The following RNF150 variants were observed in gnomAD, a reference collection of about 807,000 sequenced individuals.
RNF150 encodes ring finger protein 150.
RNF150 carries 24 observed loss-of-function variants against 39.3 expected under a neutral mutation model. The observed-to-expected ratio is 0.61, with a 90% CI of 0.44 to 0.86. The LOEUF is 0.86. Ranked by LOEUF, RNF150 falls within the 40% of genes least tolerant of loss-of-function variation. RNF150 has a pLI of 0.00. For synonymous variants in RNF150, 255 were observed against 227.3 expected, an observed-to-expected ratio of 1.12 and a Z score of -1.10; for missense variants, 502 against 587.8, an observed-to-expected ratio of 0.85 and a Z score of 1.51.
intron 6 of RNF150, among the ~76,000 whole-genome samples, chr4:140,893,597 T>G (rs888467674): frequency 6.6e-6 from 1 of 152,202 alleles, no homozygotes; most frequent in South Asian, 2.1e-4. Context: ...GATCATTTTC[T>G]GTTTCCTTGT....
rs112982556 is a variant in RNF150 at position 140,970,734 on chromosome 4, T to C, written c.485-2861A>G. ...AAACTTCAGTGCTTAGTTACACCACTTGTGTTGTCTGTGCCACTGTTGTGC... is the reference window on the plus strand; with the variant it reads ...AAACTTCAGTGCTTAGTTACACCACCTGTGTTGTCTGTGCCACTGTTGTGC... On this transcript the variant is annotated intron_variant, in intron 1 of 6. Transcript: ENST00000515673. Among the ~76,000 whole-genome samples the C allele has an allele frequency of 2.9e-3, 447 of 152,260 alleles. 2 individuals carry two copies. Among genetic ancestry groups the C allele is most frequent in the African/African-American group, 9.8e-3 (409 of 41,568 alleles).
At chr4:141,177,045 G>A in intron 1 of RNF150, among the ~76,000 whole-genome samples, 1 of 114,010 alleles carries the variant, frequency 8.8e-6, no homozygotes, top group South Asian at 3.2e-4. Context: ...ACAAGACCCT[G>A]TCTCCTAGGA....
Position 140,946,106 on chromosome 4 carries a change from A to G in RNF150, c.890+1548T>C, listed in dbSNP as rs541627994. Reference sequence around the variant, plus strand: ...AATTACCAAATCTTCAGTTATCTCTATTTATGATTTCGTCTTAGATATAGG... The same window carrying G: ...AATTACCAAATCTTCAGTTATCTCTGTTTATGATTTCGTCTTAGATATAGG... On this transcript the variant is annotated intron_variant, in intron 4 of 6. Coordinates refer to ENST00000515673, the MANE Select transcript of RNF150 (RefSeq NM_020724.2). Among the ~76,000 whole-genome samples, 7 of 152,334 alleles carry G rather than the reference A, an allele frequency of 4.6e-5. No individual in the cohort carries two copies. The East Asian group carries it at 9.6e-4, about 21-fold the overall frequency.
intron 6 of RNF150, among the ~76,000 whole-genome samples, chr4:140,870,178 G>A (rs556699791): frequency 6.6e-6 from 1 of 152,166 alleles, no homozygotes; most frequent in Non-Finnish European, 1.5e-5. Context: ...TATTTCACAG[G>A]GAAATATCCA....
At chr4:140,922,452 G>T (rs940282829) in intron 5 of RNF150, among the ~76,000 whole-genome samples, 1 of 150,948 alleles carries the variant, frequency 6.6e-6, no homozygotes, top group African/African-American at 2.4e-5. Context: ...ACAAACCACT[G>T]CTCAATGAAA....
intron 1 of RNF150, among the ~76,000 whole-genome samples, chr4:141,154,895 C>T (rs573943476): frequency 6.6e-6 from 1 of 152,232 alleles, no homozygotes; most frequent in South Asian, 2.1e-4. Flanking sequence ...TAATTACCTT[C>T]ATGCCTGACT....
intron 1 of RNF150, among the ~76,000 whole-genome samples, chr4:141,114,617 A>C (rs187754267): frequency 1.3e-5 from 2 of 152,342 alleles, no homozygotes; most frequent in African/African-American, 4.8e-5. Flanking sequence ...TATCGTAAGA[A>C]ATAGAAAAAG....
Position 140,942,909 on chromosome 4 carries a change from A to G in RNF150, c.890+4745T>C, listed in dbSNP as rs1300286577. Among the ~76,000 whole-genome samples, 3 of 152,350 alleles carry G rather than the reference A, an allele frequency of 2.0e-5. No individual in the cohort carries two copies. In the East Asian group the frequency reaches 5.8e-4, roughly 29 times the overall value. On this transcript the variant is annotated intron_variant, in intron 4 of 6. Coordinates refer to ENST00000515673, the MANE Select transcript of RNF150 (RefSeq NM_020724.2). ...TCTGACAATAATAACCCAGCAGGAC[A>G]TGCTGCCCCTACGCGCCACATAATC...
At chr4:140,985,945 T>C (rs560253378) in intron 1 of RNF150, among the ~76,000 whole-genome samples, 1 of 152,080 alleles carries the variant, frequency 6.6e-6, no homozygotes, top group Non-Finnish European at 1.5e-5. Context: ...GCACAATCAC[T>C]GGTGTATAAA....
intron 1 of RNF150, among the ~76,000 whole-genome samples, chr4:141,153,915 C>G (rs1475749549): frequency 6.6e-6 from 1 of 152,152 alleles, no homozygotes; most frequent in African/African-American, 2.4e-5. Context: ...AGCAGGCTCT[C>G]GAGTTAGTTT....
chr4:140,880,466 T>C (rs1419367668), intron 6 of RNF150, among the ~76,000 whole-genome samples: 3 of 152,112 alleles, frequency 2.0e-5, no homozygotes, highest in Non-Finnish European at 4.4e-5. Flanking sequence ...TTTTCTTTTC[T>C]TGTAGTATCT....
intron 6 of RNF150, among the ~76,000 whole-genome samples, chr4:140,876,077 G>A (rs187762239): frequency 4.6e-5 from 7 of 152,290 alleles, no homozygotes; most frequent in Admixed American, 2.6e-4. Flanking sequence ...TTTGCATGCT[G>A]GGAGTTGCTC....
chr4:141,177,096 G>A (rs1025553006), intron 1 of RNF150, among the ~76,000 whole-genome samples: 13 of 150,976 alleles, frequency 8.6e-5, no homozygotes, highest in South Asian at 2.1e-4. Context: ...GACGGGTGTC[G>A]TGGCAAGAAC....
chr4:140,873,162 C>A (rs1245813779), intron 6 of RNF150, among the ~76,000 whole-genome samples: 2 of 152,126 alleles, frequency 1.3e-5, no homozygotes, highest in Non-Finnish European at 2.9e-5. Flanking sequence ...ATTTCACATA[C>A]AAATTTATAT....
Position 140,906,686 on chromosome 4 carries a change from T to C in RNF150, c.1198+4458A>G, listed in dbSNP as rs562027533. Among the ~76,000 whole-genome samples, 3 of 152,308 alleles carry C rather than the reference T, an allele frequency of 2.0e-5. No homozygotes were observed. In the East Asian group the frequency reaches 5.8e-4, roughly 29 times the overall value. ...CTTTACATTAATTCATGTGTACTGC[T>C]TCCTTCTGAAAGTTTGAAGACCAGG... On this transcript the variant is annotated intron_variant, in intron 6 of 6. Transcript: ENST00000515673.
chr4:141,024,350 G>A (rs13122706), intron 1 of RNF150, among the ~76,000 whole-genome samples: 140,749 of 152,078 alleles, frequency 0.93, 65,920 homozygotes, highest in Non-Finnish European at 1. Flanking sequence ...ATTCCTATCT[G>A]TGGGTCTCTC....
chr4:141,126,439 A>T (rs940914903), intron 1 of RNF150, among the ~76,000 whole-genome samples: 9 of 152,156 alleles, frequency 5.9e-5, no homozygotes, highest in Admixed American at 3.9e-4. Context: ...TTCTATTCTT[A>T]TGAATTTGTT....
rs780011524 is a variant in RNF150, at chr4:140,967,722, G to C, written c.636C>G (p.Val212=). The C allele has an allele frequency of 2.5e-6, 4 of 1,613,584 alleles. No homozygotes were observed. The South Asian group carries it at 4.4e-5, about 18-fold the overall frequency. Residue 212 remains valine, a synonymous_variant, in exon 2 of 7, where the codon GTC becomes GTG. Transcript: ENST00000515673. ...TCATCAGGACAATGAAGGAGATGGA[G>C]ACAAACACAACCGAAGTGCGGCTCA... The part of the protein sequence containing the change: ...KYVSRTSVVF[V]SISFIVLMII...
intron 1 of RNF150, among the ~76,000 whole-genome samples, chr4:141,040,771 C>T (rs895029758): frequency 2.6e-5 from 4 of 152,052 alleles, no homozygotes; most frequent in Non-Finnish European, 4.4e-5. Flanking sequence ...TACAGCAATC[C>T]AAATGCTCAA....
Sources: gnomAD v4.1 joint callset for allele counts (sites outside exome capture counted in the v4.1 genomes callset) on GRCh38, gnomAD v4.1.1 for gene constraint, MANE v1.5 for transcripts, NCBI Gene and HGNC (gene_info 2026-07-23, HGNC 2026-07-21) for gene names.